Variants in DRC9 observed in about 807,000 individuals in gnomAD.
The protein encoded by DRC9 is dynein regulatory complex subunit 9, also known as dynein regulatory complex protein 9.
chr3:197,912,895 C>T, the DRC9 span: 1 of 695,060 alleles, frequency 1.4e-6, no homozygotes, highest in Non-Finnish European at 2.6e-6. Flanking sequence ...AACTCCTGTT[C>T]ACCAACACTG....
At chr3:197,934,183 C>CTTTTTTTTTTTTTTTTT in the DRC9 span, among the ~76,000 whole-genome samples, 54 of 99,460 alleles carry the variant, frequency 5.4e-4, 8 homozygotes, top group African/African-American at 1.3e-3. Context: ...CATTCTGGGT[C>CTTTTTTTTTTTTTTTTT]TTTTTTTTTT....
At chr3:197,955,634 T>G in the DRC9 span, 1 of 948,960 alleles carries the variant, frequency 1.1e-6, no homozygotes, top group South Asian at 1.3e-5. Context: ...AAAACTTTCC[T>G]TACCACTAGA....
the DRC9 span, among the ~76,000 whole-genome samples, chr3:197,918,808 T>C: frequency 1.3e-3 from 202 of 152,224 alleles, no homozygotes; most frequent in African/African-American, 4.7e-3. Context: ...ATGGAAGTGT[T>C]TTTTATTGTT....
At chr3:197,942,796 C>A in the DRC9 span, among the ~76,000 whole-genome samples, 3,988 of 149,752 alleles carry the variant, frequency 0.027, 217 homozygotes, top group African/African-American at 0.094. Context: ...GTAATCCCAG[C>A]ACTTGGGAGA....
At chr3:197,892,272 CACTG>C in the DRC9 span, among the ~76,000 whole-genome samples, 1 of 152,166 alleles carries the variant, frequency 6.6e-6, no homozygotes, top group Non-Finnish European at 1.5e-5. Flanking sequence ...TAGAAATCAT[CACTG>C]ACTCTCTCCA....
the DRC9 span, chr3:197,894,732 C>T: frequency 6.6e-6 from 1 of 152,140 alleles, no homozygotes; most frequent in Non-Finnish European, 1.5e-5. Flanking sequence ...TTAGGTGGCA[C>T]ATAGCATAGA....
the DRC9 span, among the ~76,000 whole-genome samples, chr3:197,927,173 T>C: frequency 2.6e-5 from 4 of 152,182 alleles, no homozygotes; most frequent in Non-Finnish European, 5.9e-5. Context: ...AGAAGACTTC[T>C]CACTAAACTG....
the DRC9 span, chr3:197,938,752 G>A: frequency 6.8e-6 from 11 of 1,612,578 alleles, no homozygotes; most frequent in East Asian, 2.2e-5. Flanking sequence ...GTCTAGATTC[G>A]TTCCTTCTAG....
the DRC9 span, chr3:197,949,835 T>C: frequency 2.6e-6 from 1 of 385,178 alleles, no homozygotes; most frequent in Non-Finnish European, 4.6e-6. Context: ...CAAATCAATC[T>C]TACAGTCAAT....
chr3:197,925,587 GTTTTT>G, the DRC9 span, among the ~76,000 whole-genome samples: 1 of 127,582 alleles, frequency 7.8e-6, no homozygotes, highest in Non-Finnish European at 1.6e-5. Flanking sequence ...TATATCTTCT[GTTTTT>G]TTTTTTTTTT....
chr3:197,918,312 C>T, the DRC9 span, among the ~76,000 whole-genome samples: 1 of 143,770 alleles, frequency 7.0e-6, no homozygotes, highest in Non-Finnish European at 1.5e-5. Context: ...CCATGTTGCC[C>T]AGGCTGGTCT....
At chr3:197,939,041 T>TA in the DRC9 span, 1 of 403,044 alleles carries the variant, frequency 2.5e-6, no homozygotes. Flanking sequence ...ATATCTCTGT[T>TA]AGCAGGCATT....
the DRC9 span, chr3:197,959,344 A>G: frequency 6.6e-6 from 1 of 152,330 alleles, no homozygotes; most frequent in African/African-American, 2.4e-5. Flanking sequence ...CCTAAGTTAC[A>G]AATGTGGTTT....
the DRC9 span, among the ~76,000 whole-genome samples, chr3:197,930,736 GA>G: frequency 0.058 from 5,459 of 94,188 alleles, 146 homozygotes; most frequent in African/African-American, 0.11. Context: ...CTCAGTCTCA[GA>G]AAAAAAAAAA....
chr3:197,932,062 A>T, the DRC9 span: 2 of 1,170,302 alleles, frequency 1.7e-6, no homozygotes, highest in Non-Finnish European at 2.4e-6. Context: ...ACTTCTAGTT[A>T]TCTTCCCTGG....
At chr3:197,914,717 A>T in the DRC9 span, among the ~76,000 whole-genome samples, 106 of 152,278 alleles carry the variant, frequency 7.0e-4, no homozygotes, top group African/African-American at 2.3e-3. Context: ...AACTTCCAAA[A>T]ATTGTGCAAA....
At chr3:197,948,831 C>T in the DRC9 span, among the ~76,000 whole-genome samples, 4 of 152,166 alleles carry the variant, frequency 2.6e-5, no homozygotes, top group Non-Finnish European at 5.9e-5. Context: ...TAAATATATT[C>T]AGAATTCCAG....
At chr3:197,950,599 AC>A in the DRC9 span, 2 of 381,752 alleles carry the variant, frequency 5.2e-6, no homozygotes, top group East Asian at 5.1e-5. Flanking sequence ...TAAAAGTCTT[AC>A]GTGTGTGTTT....
the DRC9 span, among the ~76,000 whole-genome samples, chr3:197,914,236 A>G: frequency 6.6e-6 from 1 of 152,322 alleles, no homozygotes; most frequent in African/African-American, 2.4e-5. Flanking sequence ...AGCATTTCTA[A>G]GAATCAGGGC....
Sources: gnomAD v4.1 joint callset for allele counts (sites outside exome capture counted in the v4.1 genomes callset) on GRCh38, gnomAD v4.1.1 for gene constraint, MANE v1.5 for transcripts, NCBI Gene and HGNC (gene_info 2026-07-23, HGNC 2026-07-21) for gene names.